Variants in RSPRY1 observed in about 807,000 individuals in gnomAD.
The protein encoded by RSPRY1 is ring finger and SPRY domain containing 1, also known as RING finger and SPRY domain-containing protein 1.
A neutral mutation model predicts 73.1 loss-of-function variants in RSPRY1; 23 were observed. The observed-to-expected ratio is 0.31, with a 90% CI of 0.23 to 0.45. RSPRY1 has a LOEUF of 0.45. Among genes scored for constraint, RSPRY1 ranks in the 20% least tolerant of loss-of-function variants. RSPRY1 has a pLI of 1.00. For missense variants in RSPRY1, 448 were observed against 698.7 expected (o/e 0.64, Z 4.05); for synonymous variants, 226 against 251.4 (o/e 0.90, Z 0.95).
At chr16:57,190,311 G>T (rs943248781) in intron 1 of RSPRY1, among the ~76,000 whole-genome samples, 1 of 152,160 alleles carries the variant, frequency 6.6e-6, no homozygotes, top group Non-Finnish European at 1.5e-5. Flanking sequence ...TGAAGATGCA[G>T]TGAGCCACTG....
intron 14 of RSPRY1, among the ~76,000 whole-genome samples, chr16:57,237,675 CTTTA>C (rs1335270707): frequency 3.3e-5 from 5 of 151,638 alleles, no homozygotes; most frequent in African/African-American, 4.8e-5. Flanking sequence ...GCTAGTATCT[CTTTA>C]TTTTTTTATT....
At chr16:57,205,262 TATTAGAGAA>T (rs1487245370) in intron 2 of RSPRY1, 3 of 449,094 alleles carry the variant, frequency 6.7e-6, no homozygotes, top group Non-Finnish European at 8.2e-6. Flanking sequence ...CTATGATCTT[TATTAGAGAA>T]TAGAGTAAAT....
chr16:57,213,196 G>A, intron 5 of RSPRY1, 98 bp downstream of exon 5: 1 of 1,182,654 alleles, frequency 8.5e-7, no homozygotes, highest in Non-Finnish European at 1.2e-6. Context: ...ATACCAGAAA[G>A]AAATCTCTTA....
chr16:57,232,413 C>G (rs555302334), intron 13 of RSPRY1, among the ~76,000 whole-genome samples: 9 of 152,328 alleles, frequency 5.9e-5, no homozygotes, highest in Admixed American at 3.3e-4. Context: ...TGTTCCCGCT[C>G]AGGGTTCTGA....
chr16:57,198,114 G>A (rs1383263856), intron 1 of RSPRY1, among the ~76,000 whole-genome samples: 4 of 151,994 alleles, frequency 2.6e-5, no homozygotes, highest in Non-Finnish European at 5.9e-5. Flanking sequence ...GGCCGGGCAC[G>A]GTGGCTCACA....
intron 1 of RSPRY1, among the ~76,000 whole-genome samples, chr16:57,189,593 C>CT (rs544146883): frequency 0.49 from 61,018 of 123,956 alleles, 15,234 homozygotes; most frequent in Middle Eastern, 0.53. Context: ...CTTTTCTTTT[C>CT]TTTTTTTTTT....
At chr16:57,227,924 T>C (rs2075143744) in intron 11 of RSPRY1, among the ~76,000 whole-genome samples, 2 of 152,192 alleles carry the variant, frequency 1.3e-5, no homozygotes, top group South Asian at 2.1e-4. Flanking sequence ...CAGAGCTAGA[T>C]AGAGGATATA....
chr16:57,194,618 T>A (rs145413165), intron 1 of RSPRY1, among the ~76,000 whole-genome samples: 56 of 152,334 alleles, frequency 3.7e-4, no homozygotes, highest in African/African-American at 1.3e-3. Flanking sequence ...TTTGGAATGA[T>A]AAGGTGAAGA....
At chr16:57,226,058 A>T (rs2075116300) in intron 10 of RSPRY1, among the ~76,000 whole-genome samples, 2 of 152,180 alleles carry the variant, frequency 1.3e-5, no homozygotes. Context: ...AGCCTAGGCA[A>T]CAAGAGTGAA....
At chr16:57,194,345 G>A (rs536731605) in intron 1 of RSPRY1, among the ~76,000 whole-genome samples, 2 of 152,194 alleles carry the variant, frequency 1.3e-5, no homozygotes, top group African/African-American at 4.8e-5. Flanking sequence ...TCTAGGTGGT[G>A]GGTATATAGT....
At position 57,204,723 on chromosome 16, in the gene RSPRY1, C is replaced by G. The variant is rs1312209678; in HGVS notation, c.65C>G (p.Thr22Ser). 3.7e-6 allele frequency: 6 copies of G among 1,614,114 alleles called. No homozygotes were observed. The Admixed American group carries it at 6.7e-5, about 18-fold the overall frequency. Reference protein sequence around the residue: ...SRSLGQGLLLTLEEHIAHFLG... With the variant: ...SRSLGQGLLLSLEEHIAHFLG... ...AGCCTTGGCCAGGGTCTGTTGTTGACTCTCGAAGAGCACATAGCCCACTTC... is the reference window on the plus strand; with the variant it reads ...AGCCTTGGCCAGGGTCTGTTGTTGAGTCTCGAAGAGCACATAGCCCACTTC... Residue 22 changes from threonine to serine, a missense_variant, in exon 2 of 15, where the codon ACT (threonine) becomes AGT (serine). Transcript: ENST00000394420.
intron 4 of RSPRY1, among the ~76,000 whole-genome samples, chr16:57,210,640 G>A (rs1252216912): frequency 1.3e-5 from 2 of 151,962 alleles, no homozygotes; most frequent in Non-Finnish European, 2.9e-5. Context: ...TTGAACCTGG[G>A]AGGCAATGGT....
At chr16:57,213,483 G>A (rs991898008) in intron 5 of RSPRY1, among the ~76,000 whole-genome samples, 4 of 152,208 alleles carry the variant, frequency 2.6e-5, no homozygotes, top group Admixed American at 6.5e-5. Flanking sequence ...CAAGGTAGAG[G>A]GAGAGGAAAA....
intron 7 of RSPRY1, chr16:57,216,515 C>T (rs183836272): frequency 1.5e-5 from 5 of 325,416 alleles, no homozygotes; most frequent in Non-Finnish European, 2.8e-5. Context: ...GCCAGGAATT[C>T]GAGACCAGGG....
At chr16:57,221,926 A>G (rs1667246284) in intron 10 of RSPRY1, among the ~76,000 whole-genome samples, 1 of 152,230 alleles carries the variant, frequency 6.6e-6, no homozygotes, top group African/African-American at 2.4e-5. Flanking sequence ...AAGGGAAACA[A>G]ATCCTAGAGT....
In RSPRY1 at chr16:57,239,584, G is replaced by A. The variant is rs1293892264; in HGVS notation, c.*609G>A. On this transcript the variant is annotated 3_prime_UTR_variant, in exon 15 of 15. Coordinates refer to ENST00000394420, the MANE Select transcript of RSPRY1 (RefSeq NM_133368.3). ...TTCAGTGATTCCAAAGAACATTCTA[G>A]GTTTTTTGTTTGTTTTTTTGTTTTT... is the stretch of plus-strand genomic sequence containing the variant. 3 of 151,618 alleles carry A rather than the reference G, an allele frequency of 2.0e-5. No homozygotes were observed. The highest frequency in any genetic ancestry group is 4.4e-5 in the Non-Finnish European group (3 of 67,908). The allele number at this position is 151,618 out of a possible 1,614,324, so 9.4% of individuals were successfully genotyped here.
At chr16:57,212,583 G>A (rs1014433997) in intron 4 of RSPRY1, among the ~76,000 whole-genome samples, 3 of 152,026 alleles carry the variant, frequency 2.0e-5, no homozygotes, top group Non-Finnish European at 4.4e-5. Flanking sequence ...ATTTTTATAT[G>A]GTCATTCTGA....
chr16:57,196,034 A>ATATATATAT (rs36083992), intron 1 of RSPRY1, among the ~76,000 whole-genome samples: 2 of 122,822 alleles, frequency 1.6e-5, no homozygotes, highest in Non-Finnish European at 3.4e-5. Flanking sequence ...AAAAAAAAAA[A>ATATATATAT]ATATATATAT....
In RSPRY1 at chr16:57,239,989, A is replaced by G. The variant is rs1281976450; in HGVS notation, c.*1014A>G. On this transcript the variant is annotated 3_prime_UTR_variant, in exon 15 of 15. Transcript: ENST00000394420. ...TGAATTATTGACTATGTCTTCATCA[A>G]AAGTGTTAATCCCTCTCAGGGTCTC... is the stretch of plus-strand genomic sequence containing the variant. 6.6e-6 allele frequency: 1 copy of G among 152,152 alleles called. No homozygotes were observed. The highest frequency in any genetic ancestry group is 2.4e-5 in the African/African-American group (1 of 41,434). 9.4% of individuals were successfully genotyped at this position (152,152 alleles called of 1,614,324 possible).
Sources: gnomAD v4.1 joint callset for allele counts (sites outside exome capture counted in the v4.1 genomes callset) on GRCh38, gnomAD v4.1.1 for gene constraint, MANE v1.5 for transcripts, NCBI Gene and HGNC (gene_info 2026-07-23, HGNC 2026-07-21) for gene names.